OGA: variants seen among roughly 807,000 people sequenced by gnomAD.
OGA encodes the protein O-GlcNAcase, also known as protein O-GlcNAcase.
A neutral mutation model predicts 102.0 loss-of-function variants in OGA; 21 were observed. The ratio of observed to expected loss-of-function variants is 0.21; its 90% CI spans 0.15 to 0.30. OGA has a LOEUF of 0.30. Ranked by LOEUF, OGA falls within the 10% of genes least tolerant of loss-of-function variation. The probability of loss-of-function intolerance (pLI) is 1.00; values close to 1 mark genes in which losing one functional copy is unlikely to be tolerated. For missense variants in OGA, 765 were observed against 1,107.8 expected (o/e 0.69, Z 4.39); for synonymous variants, 408 against 378.2 (o/e 1.08, Z -0.91).
intron 1 of OGA, among the ~76,000 whole-genome samples, chr10:101,817,180 G>C (rs557890455): frequency 3.3e-5 from 5 of 152,314 alleles, no homozygotes; most frequent in African/African-American, 9.6e-5. Flanking sequence ...TTTTAAAGCC[G>C]CTTCTGCGGT....
At chr10:101,816,115 C>G (rs540721034) in intron 1 of OGA, among the ~76,000 whole-genome samples, 5 of 151,770 alleles carry the variant, frequency 3.3e-5, no homozygotes, top group Admixed American at 6.6e-5. Flanking sequence ...TACTAAAATA[C>G]AAAAAATTAG....
intron 11 of OGA, 22 bp downstream of exon 11, chr10:101,793,891 A>T (rs1554836853): frequency 6.5e-7 from 1 of 1,532,208 alleles, no homozygotes; most frequent in South Asian, 1.1e-5. Flanking sequence ...ATGTCAATTC[A>T]GTTGTGAATT....
At chr10:101,810,067 A>G in intron 4 of OGA, 117 bp downstream of exon 4, 2 of 1,119,588 alleles carry the variant, frequency 1.8e-6, no homozygotes, top group South Asian at 3.3e-5. Context: ...CAAACAAACA[A>G]AAAAAGAAAA....
chr10:101,785,397 A>G lies in OGA; in HGVS notation c.*1054T>C, dbSNP rs1589819364. 1 of 152,762 alleles carries G rather than the reference A, an allele frequency of 6.5e-6. No homozygotes were observed. Among genetic ancestry groups the G allele is most frequent in the East Asian group, 1.9e-4 (1 of 5,194 alleles). 9.5% of individuals were successfully genotyped at this position (152,762 alleles called of 1,614,324 possible). On this transcript the variant is annotated 3_prime_UTR_variant, in exon 16 of 16. Coordinates refer to ENST00000361464, the MANE Select transcript of OGA (RefSeq NM_012215.5). Reference sequence around the variant, plus strand: ...ATCAGTAGTAACAGGTCTTGAGATTAAACAACTGACCTGAGGGCAAATGGG... The same window carrying G: ...ATCAGTAGTAACAGGTCTTGAGATTGAACAACTGACCTGAGGGCAAATGGG...
rs1011585330 is a variant in OGA, at chr10:101,818,332, C to T, written c.-310G>A. The T allele has an allele frequency of 1.2e-5, 14 of 1,154,912 alleles. 1 individual carries two copies. In the Admixed American group the frequency reaches 1.8e-4, roughly 15 times the overall value. 71.5% of individuals were successfully genotyped at this position (1,154,912 alleles called of 1,614,324 possible). A position where few individuals can be genotyped will look rare whatever the true frequency, so the allele number is the denominator to read the frequency against. On this transcript the variant is annotated 5_prime_UTR_variant, in exon 1 of 16. Coordinates refer to ENST00000361464, the MANE Select transcript of OGA (RefSeq NM_012215.5). ...AGAAGACGGCCAAGGGTCCTGTCCT[C>T]GTTCTCTGCCTCTGCTGCCCTCCCG...
chr10:101,817,793 G>A, intron 1 of OGA, 31 bp downstream of exon 1: 2 of 1,534,718 alleles, frequency 1.3e-6, no homozygotes. Context: ...ACGTGTTAGT[G>A]CCAAAACGGG....
chr10:101,814,442 T>TA, intron 1 of OGA, among the ~76,000 whole-genome samples: 1 of 152,110 alleles, frequency 6.6e-6, no homozygotes. Flanking sequence ...TCCTCTTTTT[T>TA]AAAAAAAGTT....
chr10:101,799,620 C>T (rs1564644299), intron 8 of OGA, among the ~76,000 whole-genome samples, 165 bp from the exon 9 acceptor site: 1 of 152,148 alleles, frequency 6.6e-6, no homozygotes, highest in African/African-American at 2.4e-5. Flanking sequence ...TTTCTCTATA[C>T]TACTAGGGAT....
Position 101,786,596 on chromosome 10 carries a change from A to G in OGA, c.2615-9T>C. 6.4e-7 allele frequency: 1 copy of G among 1,574,614 alleles called. No individual in the cohort carries two copies. On this transcript the variant is annotated splice_polypyrimidine_tract_variant and intron_variant, in intron 15 of 15. Coordinates refer to ENST00000361464, the MANE Select transcript of OGA (RefSeq NM_012215.5). ...GAAAGCTCCCCGGGAGCCTAGAAAT[A>G]AAACAAATATTCAAAACATAAATAA...
Position 101,785,283 on chromosome 10 carries a change from AG to A in OGA, c.*1167del, listed in dbSNP as rs1382510722. On this transcript the variant is annotated 3_prime_UTR_variant, in exon 16 of 16. Transcript: ENST00000361464. ...CTTTCACAATCCGGTTAAAGGAAAA[AG>A]GTAACTGTAAATAACTGGTTAAAGT... is the stretch of plus-strand genomic sequence containing the variant. 6.6e-6 allele frequency: 1 copy of A among 152,304 alleles called. No homozygotes were observed. Among genetic ancestry groups the A allele is most frequent in the East Asian group, 1.9e-4 (1 of 5,204 alleles). The allele number at this position is 152,304 out of a possible 1,614,324, so 9.4% of individuals were successfully genotyped here. A position where few individuals can be genotyped will look rare whatever the true frequency, so the allele number is the denominator to read the frequency against.
chr10:101,790,275 T>G lies in OGA; in HGVS notation c.2454+621A>C, dbSNP rs866235240. Among the ~76,000 whole-genome samples the G allele has an allele frequency of 8.9e-3, 1,271 of 143,030 alleles. 18 individuals are homozygous for G. The highest frequency in any genetic ancestry group is 0.031 in the African/African-American group (1,202 of 38,312). The allele number at this position is 143,030 out of a possible 152,430, so 93.8% of individuals were successfully genotyped here. A position where few individuals can be genotyped will look rare whatever the true frequency, so the allele number is the denominator to read the frequency against. The stretch of plus-strand genomic sequence containing the variant: ...CGACCATAATATCTTGTTTTTTTTT[T>G]TTTTTTTTTTTTTTTGAGACAGAGT... On this transcript the variant is annotated intron_variant, in intron 14 of 15. Transcript: ENST00000361464.
chr10:101,784,983 C>T lies in OGA; in HGVS notation c.*1468G>A, dbSNP rs889350345. ...GGCTTTGGTTGGAAGTCACTAGGTA[C>T]CACTAGGTACAATGCTTTAGGGCTC... On this transcript the variant is annotated 3_prime_UTR_variant, in exon 16 of 16. Transcript: ENST00000361464. 1 of 152,206 alleles carries T rather than the reference C, an allele frequency of 6.6e-6. No homozygotes were observed. The highest frequency in any genetic ancestry group is 1.9e-4 in the East Asian group (1 of 5,202). The allele number at this position is 152,206 out of a possible 1,614,324, so 9.4% of individuals were successfully genotyped here.
intron 4 of OGA, among the ~76,000 whole-genome samples, chr10:101,808,911 A>C (rs770980525): frequency 2.6e-5 from 4 of 152,118 alleles, no homozygotes; most frequent in Non-Finnish European, 5.9e-5. Flanking sequence ...TAGAGGTTGC[A>C]ATGAGCTGAG....
At chr10:101,800,171 G>A in intron 8 of OGA, 71 bp downstream of exon 8, 1 of 1,505,036 alleles carries the variant, frequency 6.6e-7, no homozygotes, top group Non-Finnish European at 9.1e-7. Context: ...CCACACCCGG[G>A]AGACAGTGTT....
At chr10:101,787,300 C>T in intron 15 of OGA, 64 bp downstream of exon 15, 1 of 1,439,060 alleles carries the variant, frequency 6.9e-7, no homozygotes, top group Non-Finnish European at 9.3e-7. Context: ...CTTTTATATC[C>T]AAAAATATAT....
intron 12 of OGA, among the ~76,000 whole-genome samples, chr10:101,792,268 A>C (rs1389533197): frequency 6.6e-6 from 1 of 152,028 alleles, no homozygotes; most frequent in East Asian, 1.9e-4. Flanking sequence ...TCGGCCTCCC[A>C]AAGTGCTGGG....
At chr10:101,804,359 G>A (rs1171565855) in intron 6 of OGA, among the ~76,000 whole-genome samples, 9 of 142,966 alleles carry the variant, frequency 6.3e-5, no homozygotes, top group East Asian at 2.1e-4. Context: ...TGTAAGCTCC[G>A]CCTCCTGGAT....
intron 11 of OGA, among the ~76,000 whole-genome samples, chr10:101,793,404 G>A (rs2065280749): frequency 6.6e-6 from 1 of 152,188 alleles, no homozygotes; most frequent in Non-Finnish European, 1.5e-5. Flanking sequence ...AGCACCTGTT[G>A]GGGGGAGAAA....
intron 11 of OGA, 198 bp downstream of exon 11, chr10:101,793,715 G>T: frequency 2.0e-6 from 1 of 509,686 alleles, no homozygotes; most frequent in Middle Eastern, 5.7e-4. Flanking sequence ...CAGGCGCGGG[G>T]GGGATTGGCA....
Sources: gnomAD v4.1 joint callset for allele counts (sites outside exome capture counted in the v4.1 genomes callset) on GRCh38, gnomAD v4.1.1 for gene constraint, MANE v1.5 for transcripts, NCBI Gene and HGNC (gene_info 2026-07-23, HGNC 2026-07-21) for gene names.